The following MDGA2 variants were observed in gnomAD, a reference collection of about 807,000 sequenced individuals.
MDGA2 encodes MAM domain-containing glycosylphosphatidylinositol anchor protein 2.
Under a neutral mutation model 117.8 loss-of-function variants are expected in MDGA2, and 40 were observed. The observed-to-expected ratio is 0.34, with a 90% CI of 0.26 to 0.44. The LOEUF (loss-of-function observed/expected upper bound fraction) is 0.44. Ranked by LOEUF, MDGA2 falls within the 20% of genes least tolerant of loss-of-function variation. MDGA2 has a pLI of 1.00. For synonymous variants in MDGA2, 452 were observed against 439.0 expected (o/e 1.03, Z -0.37); for missense variants, 1,123 against 1,250.6 (o/e 0.90, Z 1.54).
At chr14:47,179,303 A>G (rs1228409085) in intron 3 of MDGA2, among the ~76,000 whole-genome samples, 3 of 152,112 alleles carry the variant, frequency 2.0e-5, no homozygotes, top group Non-Finnish European at 4.4e-5. Context: ...TACTTTTGAT[A>G]GAATCATTAC....
At chr14:47,569,535 A>G (rs1895981064) in intron 1 of MDGA2, among the ~76,000 whole-genome samples, 2 of 152,256 alleles carry the variant, frequency 1.3e-5, no homozygotes, top group Admixed American at 1.3e-4. Flanking sequence ...TTGCAAGCAC[A>G]ATGGAAACCA....
chr14:46,958,256 G>T (rs1045089775), intron 8 of MDGA2, among the ~76,000 whole-genome samples: 1 of 152,112 alleles, frequency 6.6e-6, no homozygotes, highest in Non-Finnish European at 1.5e-5. Context: ...GGCATTCCAG[G>T]TAGAGGAATG....
intron 2 of MDGA2, among the ~76,000 whole-genome samples, chr14:47,292,397 T>G: frequency 6.6e-6 from 1 of 152,156 alleles, no homozygotes; most frequent in East Asian, 1.9e-4. Flanking sequence ...TGGTCCCAAT[T>G]ATGTACTTGG....
chr14:46,880,749 C>A (rs1430603828), intron 11 of MDGA2, among the ~76,000 whole-genome samples: 4 of 140,708 alleles, frequency 2.8e-5, no homozygotes, highest in Non-Finnish European at 6.0e-5. Context: ...TTGCGGTGAG[C>A]CAAGATTGCG....
intron 1 of MDGA2, among the ~76,000 whole-genome samples, chr14:47,455,479 C>T (rs550590306): frequency 6.6e-6 from 1 of 151,920 alleles, no homozygotes; most frequent in Non-Finnish European, 1.5e-5. Flanking sequence ...TTACTCCAGC[C>T]AGGATGACAC....
intron 1 of MDGA2, among the ~76,000 whole-genome samples, chr14:47,490,589 A>G (rs4447337): frequency 0.038 from 5,850 of 152,184 alleles, 381 homozygotes; most frequent in African/African-American, 0.13. Context: ...TCACAATCGT[A>G]TACATATTGG....
intron 5 of MDGA2, among the ~76,000 whole-genome samples, chr14:47,105,071 T>C (rs1024755172): frequency 6.6e-6 from 1 of 151,412 alleles, no homozygotes; most frequent in Non-Finnish European, 1.5e-5. Flanking sequence ...TCTCTGATTA[T>C]ACACTCACGT....
At chr14:47,111,146 T>C (rs998300589) in intron 5 of MDGA2, among the ~76,000 whole-genome samples, 2 of 152,096 alleles carry the variant, frequency 1.3e-5, no homozygotes, top group Non-Finnish European at 2.9e-5. Context: ...TTATAGGAGG[T>C]AGGTACTATT....
chr14:47,032,793 T>G (rs1888708871), intron 8 of MDGA2, among the ~76,000 whole-genome samples: 1 of 152,030 alleles, frequency 6.6e-6, no homozygotes, highest in African/African-American at 2.4e-5. Flanking sequence ...ACCTGAAAAA[T>G]AGTGACATAT....
At chr14:47,411,347 A>G (rs534811303) in intron 1 of MDGA2, among the ~76,000 whole-genome samples, 45 of 152,284 alleles carry the variant, frequency 3.0e-4, no homozygotes, top group African/African-American at 1.1e-3. Context: ...AGGCATGTAT[A>G]TAAGTGGCTA....
At chr14:46,850,151 A>G (rs1881002115) in intron 15 of MDGA2, among the ~76,000 whole-genome samples, 1 of 151,904 alleles carries the variant, frequency 6.6e-6, no homozygotes, top group African/African-American at 2.4e-5. Context: ...TCAAACGGGA[A>G]TTCTAAAAAA....
intron 1 of MDGA2, among the ~76,000 whole-genome samples, chr14:47,369,032 G>A (rs142466987): frequency 3.5e-4 from 53 of 152,086 alleles, no homozygotes; most frequent in Admixed American, 9.2e-4. Context: ...CAAAATAAAT[G>A]TTAAAATTAA....
chr14:47,096,898 T>A lies in MDGA2; in HGVS notation c.1151A>T (p.Asn384Ile), dbSNP rs780086012. ...AGTYSCIANN[N>I]VGNPAKKSTN... ...GGACTTTTTTGCAGGGTTTCCCACA[T>A]TATTATTGGCAATGCAGCTGTAAGT... Residue 384 changes from asparagine to isoleucine, a missense_variant, in exon 6 of 17, where the codon AAT (asparagine) becomes ATT (isoleucine). Physicochemically the swap from Asn to Ile is moderately radical, Grantham distance 149. This residue lies in a region of MDGA2 where 890 missense variants were observed against 1,050.3 expected (regional missense o/e 0.85). Transcript: ENST00000399232. 1 of 1,613,224 alleles carries A rather than the reference T, an allele frequency of 6.2e-7. No homozygotes were observed. Among genetic ancestry groups the A allele is most frequent in the Non-Finnish European group, 8.5e-7 (1 of 1,179,380 alleles).
chr14:47,520,330 C>T (rs939282028), intron 1 of MDGA2, among the ~76,000 whole-genome samples: 2 of 152,140 alleles, frequency 1.3e-5, no homozygotes, highest in African/African-American at 4.8e-5. Flanking sequence ...ATACCTGCAA[C>T]AAAAATGCTG....
chr14:47,166,011 A>AT (rs1221671483), intron 3 of MDGA2, among the ~76,000 whole-genome samples: 1 of 144,354 alleles, frequency 6.9e-6, no homozygotes, highest in Non-Finnish European at 1.5e-5. Context: ...GATTTATCCC[A>AT]TTTTATAAGC....
chr14:47,442,260 G>A (rs1893028433), intron 1 of MDGA2, among the ~76,000 whole-genome samples: 2 of 152,138 alleles, frequency 1.3e-5, no homozygotes, highest in African/African-American at 4.8e-5. Flanking sequence ...TCTGTTTAGT[G>A]TCAGGTAGTG....
rs551789852 is a variant in MDGA2 at position 46,929,928 on chromosome 14, G to A, written c.2090-9768C>T. On this transcript the variant is annotated intron_variant, in intron 9 of 16. Transcript: ENST00000399232. Reference sequence around the variant, plus strand: ...TGGGATTACAAGCATGAGCCACTGCGCCCGGCCCATGATTATATAATTTGA... The same window carrying A: ...TGGGATTACAAGCATGAGCCACTGCACCCGGCCCATGATTATATAATTTGA... Among the ~76,000 whole-genome samples the A allele has an allele frequency of 6.0e-5, 9 of 151,152 alleles. 1 individual carries two copies. Among genetic ancestry groups the A allele is most frequent in the African/African-American group, 1.9e-4 (8 of 41,200 alleles).
intron 8 of MDGA2, among the ~76,000 whole-genome samples, chr14:47,021,416 T>C (rs1332729083): frequency 1.3e-5 from 2 of 152,174 alleles, no homozygotes; most frequent in Non-Finnish European, 2.9e-5. Context: ...TTTGTCATTA[T>C]ATATAGCAAG....
chr14:46,923,246 C>T (rs186658283), intron 9 of MDGA2, among the ~76,000 whole-genome samples: 2 of 152,046 alleles, frequency 1.3e-5, no homozygotes, highest in African/African-American at 4.8e-5. Context: ...CTCACAAAGA[C>T]TTTCCAATGT....
Sources: gnomAD v4.1 joint callset for allele counts (sites outside exome capture counted in the v4.1 genomes callset) on GRCh38, gnomAD v4.1.1 for gene constraint, gnomAD v4.1.1 regional missense constraint, MANE v1.5 for transcripts, NCBI Gene and HGNC (gene_info 2026-07-23, HGNC 2026-07-21) for gene names.